Variants in HNRNPC observed in about 807,000 individuals in gnomAD.
HNRNPC encodes the protein heterogeneous nuclear ribonucleoprotein C.
HNRNPC carries 3 observed loss-of-function variants against 33.2 expected under a neutral mutation model. The observed-to-expected ratio is 0.09, with a 90% CI of 0.04 to 0.23. HNRNPC has a LOEUF of 0.23. Ranked by LOEUF, HNRNPC falls within the 10% of genes least tolerant of loss-of-function variation. The pLI is 1.00. For synonymous variants in HNRNPC, 121 were observed against 126.7 expected, an observed-to-expected ratio of 0.96 and a Z score of 0.30; for missense variants, 143 against 366.7, an observed-to-expected ratio of 0.39 and a Z score of 4.98.
chr14:21,259,901 TAAA>T (rs1877897754), intron 2 of HNRNPC, among the ~76,000 whole-genome samples: 1 of 96,592 alleles, frequency 1.0e-5, no homozygotes, highest in Non-Finnish European at 2.2e-5. Flanking sequence ...AAAAAAACAA[TAAA>T]AAATAGTCAG....
intron 3 of HNRNPC, 122 bp from the exon 4 acceptor site, chr14:21,231,194 G>A: frequency 1.1e-6 from 1 of 932,856 alleles, no homozygotes; most frequent in Non-Finnish European, 1.6e-6. Flanking sequence ...GAGTGCAGTG[G>A]TGTCACCTTG....
intron 2 of HNRNPC, among the ~76,000 whole-genome samples, chr14:21,239,798 C>T (rs996577730): frequency 4.3e-4 from 66 of 152,008 alleles, no homozygotes; most frequent in African/African-American, 1.6e-3. Context: ...CCCTTGAACC[C>T]GTGAGGTGGA....
intron 2 of HNRNPC, among the ~76,000 whole-genome samples, chr14:21,239,263 A>AG (rs1388912090): frequency 6.6e-6 from 1 of 151,890 alleles, no homozygotes; most frequent in Non-Finnish European, 1.5e-5. Context: ...GTGGATCATG[A>AG]GGTCAGAACG....
intron 2 of HNRNPC, among the ~76,000 whole-genome samples, chr14:21,239,550 A>T (rs1427024787): frequency 6.6e-6 from 1 of 152,024 alleles, no homozygotes; most frequent in Non-Finnish European, 1.5e-5. Flanking sequence ...TGTCATGAAA[A>T]GCTCTGTCAT....
chr14:21,233,914 C>A, intron 3 of HNRNPC, 39 bp downstream of exon 3: 1 of 1,590,290 alleles, frequency 6.3e-7, no homozygotes, highest in Non-Finnish European at 8.5e-7. Flanking sequence ...TAGAAAAACT[C>A]AGGCCTGAAT....
At chr14:21,261,844 G>A (rs1051389469) in intron 2 of HNRNPC, among the ~76,000 whole-genome samples, 2 of 152,114 alleles carry the variant, frequency 1.3e-5, no homozygotes, top group Admixed American at 6.6e-5. Flanking sequence ...AAAATACTAC[G>A]GGTTGCTCAA....
intron 5 of HNRNPC, among the ~76,000 whole-genome samples, chr14:21,218,911 A>C (rs1316564576): frequency 3.3e-5 from 5 of 151,862 alleles, no homozygotes; most frequent in Non-Finnish European, 1.5e-5. Flanking sequence ...GGAGTTCAAG[A>C]ATAGCCTGGC....
rs931105893 is a variant in HNRNPC at position 21,239,377 on chromosome 14, G to C, written c.-36-5148C>G. Among the ~76,000 whole-genome samples the C allele has an allele frequency of 4.6e-5, 7 of 152,244 alleles. No individual in the cohort carries two copies. In the South Asian group the frequency reaches 1.5e-3, roughly 32 times the overall value. On this transcript the variant is annotated intron_variant, in intron 2 of 8. Transcript: ENST00000553300. ...CACCTGTAGTCCCAGCTATTCGGGA[G>C]GCTGAGGCAGGAAAAATGCTTGAAC...
intron 2 of HNRNPC, among the ~76,000 whole-genome samples, chr14:21,248,224 T>TTA (rs1896216934): frequency 6.6e-6 from 1 of 152,126 alleles, no homozygotes; most frequent in African/African-American, 2.4e-5. Context: ...TGTTGTACTT[T>TTA]TAGTACAGAC....
rs527310949 is a variant in HNRNPC at position 21,210,890 on chromosome 14, A to G, written c.*333T>C. On this transcript the variant is annotated 3_prime_UTR_variant, in exon 9 of 9. Coordinates refer to ENST00000553300, the MANE Select transcript of HNRNPC (RefSeq NM_004500.4). Reference sequence around the variant, plus strand: ...CTACTGAACTTATGTATGAATGAAAAGAACTGTACTCCCTGCATAACAAGA... The same window carrying G: ...CTACTGAACTTATGTATGAATGAAAGGAACTGTACTCCCTGCATAACAAGA... The G allele has an allele frequency of 4.6e-5, 13 of 283,650 alleles. 1 individual carries two copies. The highest frequency in any genetic ancestry group is 1.1e-3 in the Middle Eastern group (1 of 870). The allele number at this position is 283,650 out of a possible 1,614,324, so 17.6% of individuals were successfully genotyped here.
chr14:21,235,388 A>G (rs1410789095), intron 2 of HNRNPC, among the ~76,000 whole-genome samples: 6 of 152,290 alleles, frequency 3.9e-5, no homozygotes, highest in African/African-American at 1.4e-4. Context: ...ATGTATACAT[A>G]TATGTACATA....
intron 2 of HNRNPC, among the ~76,000 whole-genome samples, chr14:21,238,077 C>T (rs1270495712): frequency 6.6e-6 from 1 of 152,032 alleles, no homozygotes; most frequent in African/African-American, 2.4e-5. Context: ...GGCCCTGATC[C>T]CATTTTCTTG....
intron 2 of HNRNPC, among the ~76,000 whole-genome samples, chr14:21,247,499 GAA>G (rs1896116253): frequency 1.3e-5 from 2 of 152,030 alleles, no homozygotes; most frequent in African/African-American, 2.4e-5. Context: ...TTTGTACCCT[GAA>G]AAGTTATACT....
At chr14:21,240,249 AAAAT>A (rs1292989870) in intron 2 of HNRNPC, among the ~76,000 whole-genome samples, 2 of 152,206 alleles carry the variant, frequency 1.3e-5, no homozygotes, top group African/African-American at 4.8e-5. Context: ...TTAAAAGCAA[AAAAT>A]AAGTAAAAAC....
chr14:21,210,046 G>A lies in HNRNPC; in HGVS notation c.*1177C>T, dbSNP rs1436108295. ...AAGGCAGTCTATGGAATATCAGGAA[G>A]TAAGAGTTTTCTTGTTTTCAGGAAC... is the stretch of plus-strand genomic sequence containing the variant. On this transcript the variant is annotated 3_prime_UTR_variant, in exon 9 of 9. Coordinates refer to ENST00000553300, the MANE Select transcript of HNRNPC (RefSeq NM_004500.4). The A allele has an allele frequency of 6.6e-6, 1 of 152,198 alleles. No homozygotes were observed. The highest frequency in any genetic ancestry group is 1.5e-5 in the Non-Finnish European group (1 of 68,034). The allele number at this position is 152,198 out of a possible 1,614,324, so 9.4% of individuals were successfully genotyped here. A position where few individuals can be genotyped will look rare whatever the true frequency, so the allele number is the denominator to read the frequency against.
intron 2 of HNRNPC, among the ~76,000 whole-genome samples, chr14:21,258,529 T>G (rs1166450291): frequency 6.6e-6 from 1 of 152,198 alleles, no homozygotes; most frequent in Non-Finnish European, 1.5e-5. Context: ...GTTATTTAAA[T>G]TCTGTACTCC....
intron 5 of HNRNPC, among the ~76,000 whole-genome samples, chr14:21,226,342 AAAAG>A (rs1430282296): frequency 1.2e-4 from 18 of 150,724 alleles, no homozygotes; most frequent in East Asian, 1.2e-3. Flanking sequence ...AAAAAAAAAA[AAAAG>A]AAAGAAAGAA....
chr14:21,231,718 C>CT (rs1227310999), intron 3 of HNRNPC, among the ~76,000 whole-genome samples: 1 of 152,272 alleles, frequency 6.6e-6, no homozygotes, highest in East Asian at 1.9e-4. Context: ...AACATTAAGT[C>CT]TGTCTTTGGT....
At chr14:21,241,107 A>T (rs1325768499) in intron 2 of HNRNPC, among the ~76,000 whole-genome samples, 2 of 152,016 alleles carry the variant, frequency 1.3e-5, no homozygotes, top group African/African-American at 2.4e-5. Flanking sequence ...TGTCTCTACT[A>T]AAGACAAAAA....
Sources: allele counts gnomAD v4.1 joint callset (sites outside exome capture counted in the v4.1 genomes callset), GRCh38; gene constraint gnomAD v4.1.1; transcripts MANE v1.5; gene names NCBI Gene and HGNC (gene_info 2026-07-23, HGNC 2026-07-21).